Variants in PTK2B observed in about 807,000 individuals in gnomAD.
PTK2B encodes protein tyrosine kinase 2 beta, also known as protein-tyrosine kinase 2-beta.
A neutral mutation model predicts 142.9 loss-of-function variants in PTK2B; 71 were observed. The ratio of observed to expected loss-of-function variants is 0.50; its 90% CI spans 0.41 to 0.61. The LOEUF (loss-of-function observed/expected upper bound fraction) is 0.61. PTK2B is among the 20% of genes least tolerant of loss of function. The pLI, the probability that PTK2B is intolerant of heterozygous loss-of-function variation, is 0.00. For missense variants in PTK2B, 1,105 were observed against 1,320.4 expected (o/e 0.84, Z 2.53); for synonymous variants, 519 against 503.4 (o/e 1.03, Z -0.42).
chr8:27,451,428 G>A, intron 26 of PTK2B, 57 bp from the exon 27 acceptor site: 7 of 1,609,634 alleles, frequency 4.3e-6, no homozygotes, highest in Non-Finnish European at 5.1e-6. Flanking sequence ...ACCAGGGAGG[G>A]GGTTGTCTCC....
intron 3 of PTK2B, 63 bp from the exon 4 acceptor site, chr8:27,420,594 C>T (rs1182382267): frequency 1.4e-5 from 21 of 1,499,354 alleles, no homozygotes; most frequent in Non-Finnish European, 1.8e-5. Flanking sequence ...CCCTTGGGGT[C>T]CTACTCCTTT....
intron 2 of PTK2B, among the ~76,000 whole-genome samples, chr8:27,403,987 T>G (rs542062226): frequency 4.9e-4 from 74 of 151,664 alleles, no homozygotes; most frequent in East Asian, 1.9e-4. Context: ...TCTCCTTCCT[T>G]TCCCTCTCCT....
At position 27,426,452 on chromosome 8, in the gene PTK2B, T is replaced by C. The variant is rs544386095; in HGVS notation, c.552-3641T>C. ...GCGGTCCAGGCATATTTGGGAGACG[T>C]GGGTGCCCCTGGAGAGCAGCTGAGA... On this transcript the variant is annotated intron_variant, in intron 5 of 30. Transcript: ENST00000346049. Among the ~76,000 whole-genome samples, 7 of 152,304 alleles carry C rather than the reference T, an allele frequency of 4.6e-5. No homozygotes were observed. The East Asian group carries it at 9.6e-4, about 21-fold the overall frequency.
At chr8:27,372,137 G>A (rs577170040) in intron 1 of PTK2B, among the ~76,000 whole-genome samples, 9 of 152,340 alleles carry the variant, frequency 5.9e-5, no homozygotes, top group African/African-American at 2.2e-4. Context: ...TGATATAAAT[G>A]TGGTCAGTGA....
At chr8:27,437,271 G>T in intron 16 of PTK2B, 65 bp downstream of exon 16, 2 of 1,563,412 alleles carry the variant, frequency 1.3e-6, no homozygotes, top group Non-Finnish European at 1.8e-6. Flanking sequence ...GAAGAGAGGG[G>T]TGAACAGTGC....
At chr8:27,425,086 ATG>A (rs1242597150) in intron 5 of PTK2B, among the ~76,000 whole-genome samples, 1 of 50,664 alleles carries the variant, frequency 2.0e-5, no homozygotes, top group Non-Finnish European at 4.2e-5. Context: ...AAAACACGTT[ATG>A]TTTCTATATA....
chr8:27,390,139 G>A lies in PTK2B; in HGVS notation c.-37-7409G>A, dbSNP rs181512465. Among the ~76,000 whole-genome samples, 118 of 152,252 alleles carry A rather than the reference G, an allele frequency of 7.8e-4. 1 individual carries two copies. The highest frequency in any genetic ancestry group is 2.7e-3 in the African/African-American group (112 of 41,532). ...GGGAAGCTTCCTTCCATGGACAGGC[G>A]CCTGTGGTGCTTTCGAGACAGGCAA... is the stretch of plus-strand genomic sequence containing the variant. On this transcript the variant is annotated intron_variant, in intron 1 of 30. Transcript: ENST00000346049.
chr8:27,394,187 G>T (rs1051766669), intron 1 of PTK2B, among the ~76,000 whole-genome samples: 1 of 152,122 alleles, frequency 6.6e-6, no homozygotes, highest in African/African-American at 2.4e-5. Flanking sequence ...ATTCTGTCCT[G>T]GTTCCTAGAG....
intron 1 of PTK2B, among the ~76,000 whole-genome samples, chr8:27,340,149 G>C (rs1804310317): frequency 6.6e-6 from 1 of 152,230 alleles, no homozygotes; most frequent in Non-Finnish European, 1.5e-5. Flanking sequence ...CAAGGCATGA[G>C]TGGTTTCAGA....
At chr8:27,332,363 A>T (rs1385315763) in intron 1 of PTK2B, among the ~76,000 whole-genome samples, 2 of 152,060 alleles carry the variant, frequency 1.3e-5, no homozygotes, top group African/African-American at 4.8e-5. Context: ...CCCCCATAAA[A>T]CATCACAGGC....
intron 1 of PTK2B, among the ~76,000 whole-genome samples, chr8:27,379,473 C>G (rs2131072820): frequency 6.6e-6 from 1 of 152,314 alleles, no homozygotes; most frequent in South Asian, 2.1e-4. Context: ...AGTGATCTAC[C>G]TACCTCGGCC....
intron 1 of PTK2B, among the ~76,000 whole-genome samples, chr8:27,341,262 A>G (rs767484420): frequency 2.0e-5 from 3 of 152,190 alleles, no homozygotes; most frequent in Non-Finnish European, 4.4e-5. Context: ...GCTAAATGGG[A>G]TGAAGGAAAG....
chr8:27,319,711 G>A (rs1323874806), intron 3 of PTK2B, among the ~76,000 whole-genome samples: 1 of 150,666 alleles, frequency 6.6e-6, no homozygotes, highest in Non-Finnish European at 1.5e-5. Context: ...ATGAGCTATA[G>A]CAATAGCAAG....
intron 1 of PTK2B, among the ~76,000 whole-genome samples, chr8:27,392,954 T>A (rs1169809640): frequency 2.6e-5 from 4 of 152,038 alleles, no homozygotes; most frequent in South Asian, 2.1e-4. Flanking sequence ...CCAGGAGAGG[T>A]TCTGGATTCT....
At chr8:27,371,202 G>C (rs1292370809) in intron 1 of PTK2B, among the ~76,000 whole-genome samples, 1 of 152,056 alleles carries the variant, frequency 6.6e-6, no homozygotes, top group Non-Finnish European at 1.5e-5. Context: ...CCCCAAGTTA[G>C]TCTTTATAAG....
At chr8:27,428,622 C>T (rs1330457285) in intron 5 of PTK2B, among the ~76,000 whole-genome samples, 1 of 152,120 alleles carries the variant, frequency 6.6e-6, no homozygotes, top group African/African-American at 2.4e-5. Context: ...GGGTGGACTT[C>T]CTGTGCATTG....
At position 27,339,424 on chromosome 8, in the gene PTK2B, C is replaced by T. The variant is rs1255063938; in HGVS notation, c.-38+13743C>T. ...ACACTCACCACCTACTGCACAGAGA[C>T]ACAGCCCCCTCCCCATCCTTTACCA... is the stretch of plus-strand genomic sequence containing the variant. On this transcript the variant is annotated intron_variant, in intron 1 of 30. Coordinates refer to ENST00000346049, the MANE Select transcript of PTK2B (RefSeq NM_173176.3). Among the ~76,000 whole-genome samples the T allele has an allele frequency of 5.3e-5, 8 of 152,342 alleles. No homozygotes were observed. The East Asian group carries it at 1.2e-3, about 22-fold the overall frequency.
At chr8:27,421,343 G>A (rs1809739528) in intron 4 of PTK2B, among the ~76,000 whole-genome samples, 1 of 150,774 alleles carries the variant, frequency 6.6e-6, no homozygotes, top group Non-Finnish European at 1.5e-5. Flanking sequence ...GGTTTTTTGG[G>A]GGAACAGGTG....
intron 24 of PTK2B, among the ~76,000 whole-genome samples, 170 bp from the exon 25 acceptor site, chr8:27,450,579 G>T (rs1486506228): frequency 6.6e-6 from 1 of 152,146 alleles, no homozygotes; most frequent in African/African-American, 2.4e-5. Flanking sequence ...GCTGATACTG[G>T]ATAGCTGTCT....
Sources: allele counts gnomAD v4.1 joint callset (sites outside exome capture counted in the v4.1 genomes callset), GRCh38; gene constraint gnomAD v4.1.1; transcripts MANE v1.5; gene names NCBI Gene and HGNC (gene_info 2026-07-23, HGNC 2026-07-21).